SECISBP2: variants seen among roughly 807,000 people sequenced by gnomAD.
SECISBP2 encodes the protein SECIS binding protein 2.
Under a neutral mutation model 98.2 loss-of-function variants are expected in SECISBP2, and 96 were observed. The ratio of observed to expected loss-of-function variants is 0.98; its 90% CI spans 0.83 to 1.16. The LOEUF is 1.16. Ranked by LOEUF, SECISBP2 falls within the 50% of genes most tolerant of loss-of-function variation. SECISBP2 has a pLI of 0.00. For synonymous variants in SECISBP2, 407 were observed against 370.2 expected, an observed-to-expected ratio of 1.10 and a Z score of -1.14; for missense variants, 1,046 against 1,022.9, an observed-to-expected ratio of 1.02 and a Z score of -0.31.
At chr9:89,321,898 A>G (rs1825874936) in intron 2 of SECISBP2, among the ~76,000 whole-genome samples, 1 of 152,222 alleles carries the variant, frequency 6.6e-6, no homozygotes. Context: ...TGCCATAGTC[A>G]GATTACATGT....
intron 2 of SECISBP2, chr9:89,324,816 A>C (rs932326891): frequency 6.5e-6 from 1 of 153,070 alleles, no homozygotes; most frequent in Non-Finnish European, 1.5e-5. Flanking sequence ...TTGGCTAAAA[A>C]AGAAAAATTA....
In SECISBP2 at chr9:89,359,132, A is replaced by G. The variant is rs531481514; in HGVS notation, c.*308A>G. The G allele has an allele frequency of 1.6e-4, 61 of 375,202 alleles. No homozygotes were observed. Among genetic ancestry groups the G allele is most frequent in the Non-Finnish European group, 2.6e-4 (52 of 198,016 alleles). 23.2% of individuals were successfully genotyped at this position (375,202 alleles called of 1,614,324 possible). ...GATACTTAGAATACTTTGGCTGCTAAGGAAACTTCCTCTCCATTGCAGAAT... is the reference window on the plus strand; with the variant it reads ...GATACTTAGAATACTTTGGCTGCTAGGGAAACTTCCTCTCCATTGCAGAAT... On this transcript the variant is annotated 3_prime_UTR_variant, in exon 17 of 17. Coordinates refer to ENST00000375807, the MANE Select transcript of SECISBP2 (RefSeq NM_024077.5).
intron 10 of SECISBP2, among the ~76,000 whole-genome samples, chr9:89,344,557 G>C (rs924317766): frequency 6.6e-6 from 1 of 152,152 alleles, no homozygotes; most frequent in African/African-American, 2.4e-5. Flanking sequence ...ACCATTTATT[G>C]AATAGGGAGT....
chr9:89,340,659 T>G (rs532578171), intron 9 of SECISBP2, among the ~76,000 whole-genome samples: 1 of 152,316 alleles, frequency 6.6e-6, no homozygotes, highest in East Asian at 1.9e-4. Context: ...CTTGGTACTT[T>G]CCCCTGATGG....
chr9:89,358,647 G>T, intron 16 of SECISBP2, 74 bp from the exon 17 acceptor site: 2 of 984,226 alleles, frequency 2.0e-6, no homozygotes, highest in East Asian at 4.9e-5. Context: ...CCTCTCTCAT[G>T]CTGCTGGTTT....
chr9:89,358,442 C>T (rs968128648), intron 16 of SECISBP2, among the ~76,000 whole-genome samples: 18 of 151,838 alleles, frequency 1.2e-4, no homozygotes, highest in Non-Finnish European at 2.5e-4. Flanking sequence ...GTACCCAAGA[C>T]AGGCTTGGAA....
At chr9:89,366,898 G>A in the SECISBP2 span, among the ~76,000 whole-genome samples, 1 of 152,112 alleles carries the variant, frequency 6.6e-6, no homozygotes, top group Non-Finnish European at 1.5e-5. Flanking sequence ...AGGTTCTCAT[G>A]ACCAAGCCCT....
intron 13 of SECISBP2, 143 bp downstream of exon 13, chr9:89,350,072 G>A: frequency 4.3e-6 from 4 of 940,036 alleles, no homozygotes; most frequent in Non-Finnish European, 6.7e-6. Flanking sequence ...TGGGTACCTG[G>A]TTACACGCAT....
chr9:89,361,438 A>G (rs577554029), downstream of SECISBP2: 110 of 152,356 alleles, frequency 7.2e-4, no homozygotes, highest in African/African-American at 2.4e-3. Context: ...TATGATAGAC[A>G]TGAAAACTGT....
downstream of SECISBP2, chr9:89,364,248 CT>C: frequency 2.1e-6 from 1 of 484,030 alleles, no homozygotes; most frequent in Non-Finnish European, 3.7e-6. Context: ...GTGCTGGTTT[CT>C]TACAGAATGG....
chr9:89,327,426 C>G (rs914676079), intron 4 of SECISBP2, among the ~76,000 whole-genome samples: 1 of 152,148 alleles, frequency 6.6e-6, no homozygotes, highest in Non-Finnish European at 1.5e-5. Context: ...ATTTTTCTAA[C>G]TTTCTGACTC....
chr9:89,320,220 G>A (rs1161223869), intron 2 of SECISBP2, among the ~76,000 whole-genome samples: 1 of 151,984 alleles, frequency 6.6e-6, no homozygotes, highest in Non-Finnish European at 1.5e-5. Context: ...ATCAGGTATG[G>A]TGGCGGACAC....
chr9:89,343,184 C>T (rs1829909027), intron 10 of SECISBP2, among the ~76,000 whole-genome samples: 1 of 152,156 alleles, frequency 6.6e-6, no homozygotes, highest in Non-Finnish European at 1.5e-5. Context: ...CCTCTTTCCT[C>T]TGACACATCT....
At position 89,355,300 on chromosome 9, in the gene SECISBP2, A is replaced by G. The variant is rs901635385; in HGVS notation, c.2114-2111A>G. The G allele has an allele frequency of 1.5e-5, 15 of 985,332 alleles. No individual in the cohort carries two copies. The African/African-American group carries it at 2.1e-4, about 14-fold the overall frequency. The allele number at this position is 985,332 out of a possible 1,614,324, so 61.0% of individuals were successfully genotyped here. A position where few individuals can be genotyped will look rare whatever the true frequency, so the allele number is the denominator to read the frequency against. The stretch of plus-strand genomic sequence containing the variant: ...ATCCTGTAGGCCAGATGCCTGGCCT[A>G]CAATGCTGTGTGCCTTGGTAACTCG... On this transcript the variant is annotated intron_variant, in intron 14 of 16. Transcript: ENST00000375807.
rs1055257735 is a variant in SECISBP2, at chr9:89,328,584, C to G, written c.575-76C>G. 6 of 1,115,340 alleles carry G rather than the reference C, an allele frequency of 5.4e-6. No individual in the cohort carries two copies. In the Admixed American group the frequency reaches 1.1e-4, roughly 20 times the overall value. The allele number at this position is 1,115,340 out of a possible 1,614,324, so 69.1% of individuals were successfully genotyped here. A position where few individuals can be genotyped will look rare whatever the true frequency, so the allele number is the denominator to read the frequency against. ...CATCAATAGCAATAGTCTTTGTACTCTGCAATTTTTGCTTGCATACTGGTC... is the reference window on the plus strand; with the variant it reads ...CATCAATAGCAATAGTCTTTGTACTGTGCAATTTTTGCTTGCATACTGGTC... On this transcript the variant is annotated intron_variant, in intron 4 of 16. Transcript: ENST00000375807.
chr9:89,364,112 C>A, downstream of SECISBP2: 2 of 1,457,582 alleles, frequency 1.4e-6, no homozygotes, highest in Non-Finnish European at 9.2e-7. Flanking sequence ...GGTGGCTTCC[C>A]CATGGCCAGC....
downstream of SECISBP2, chr9:89,360,964 A>G (rs1832716870): frequency 6.6e-6 from 1 of 152,226 alleles, no homozygotes; most frequent in African/African-American, 2.4e-5. Context: ...AGAGACAGAA[A>G]ACAGCACCAA....
chr9:89,355,430 G>C, intron 14 of SECISBP2: 1 of 979,016 alleles, frequency 1.0e-6, no homozygotes, highest in Non-Finnish European at 1.2e-6. Context: ...ATGAGGGAGG[G>C]TCAGCATCAG....
At position 89,318,543 on chromosome 9, in the gene SECISBP2, C is replaced by A; in HGVS notation, c.-34C>A. 6.6e-7 allele frequency: 1 copy of A among 1,511,952 alleles called. No individual in the cohort carries two copies. The highest frequency in any genetic ancestry group is 8.8e-7 in the Non-Finnish European group (1 of 1,135,670). 93.7% of individuals were successfully genotyped at this position (1,511,952 alleles called of 1,614,324 possible). ...CGGCAAGCCGACGGCCCGCTGCTGG[C>A]CTCCGTGACGCGGCCTCCTCCGCGC... On this transcript the variant is annotated 5_prime_UTR_variant, in exon 1 of 17. Coordinates refer to ENST00000375807, the MANE Select transcript of SECISBP2 (RefSeq NM_024077.5).
Sources: gnomAD v4.1 joint callset for allele counts (sites outside exome capture counted in the v4.1 genomes callset) on GRCh38, gnomAD v4.1.1 for gene constraint, MANE v1.5 for transcripts, NCBI Gene and HGNC (gene_info 2026-07-23, HGNC 2026-07-21) for gene names.